The following MAMLD1 variants were observed in gnomAD, a reference collection of about 807,000 sequenced individuals.
The protein encoded by MAMLD1 is mastermind-like domain-containing protein 1.
A neutral mutation model predicts 45.0 loss-of-function variants in MAMLD1; 14 were observed. The ratio of observed to expected loss-of-function variants is 0.31; its 90% CI spans 0.21 to 0.49. The LOEUF is 0.49. Among genes scored for constraint, MAMLD1 ranks in the 20% least tolerant of loss-of-function variants. The probability of loss-of-function intolerance (pLI) is 0.99; values close to 1 mark genes in which losing one functional copy is unlikely to be tolerated. For synonymous variants in MAMLD1, 254 were observed against 247.8 expected (o/e 1.02, Z -0.24); for missense variants, 543 against 603.6 (o/e 0.90, Z 1.05).
intron 4 of MAMLD1, among the ~76,000 whole-genome samples, chrX:150,473,353 T>A (rs993778952): frequency 1.7e-4 from 19 of 112,422 alleles, no homozygotes; most frequent in Non-Finnish European, 3.8e-5. Flanking sequence ...GAGGAGATTA[T>A]AAAGTGCTTG....
chrX:150,454,363 A>T (rs781812966), intron 2 of MAMLD1, among the ~76,000 whole-genome samples: 1 of 112,348 alleles, frequency 8.9e-6, no homozygotes, highest in East Asian at 2.8e-4. Flanking sequence ...CTAAGTGTAC[A>T]GTATCTAACT....
intron 5 of MAMLD1, among the ~76,000 whole-genome samples, chrX:150,477,589 C>T (rs1213668958): frequency 3.6e-5 from 4 of 111,792 alleles, no homozygotes; most frequent in East Asian, 2.8e-4. Context: ...GAAGTAGAGC[C>T]GCCAAGCCAG....
chrX:150,460,165 C>T (rs1557405538), intron 2 of MAMLD1, among the ~76,000 whole-genome samples: 2 of 112,252 alleles, frequency 1.8e-5, no homozygotes, highest in African/African-American at 6.5e-5. Context: ...TGCCCACAGG[C>T]AAGGTTGCCA....
chrX:150,469,671 G>A, intron 3 of MAMLD1, 74 bp from the exon 4 acceptor site: 1 of 666,706 alleles, frequency 1.5e-6, no homozygotes, highest in Non-Finnish European at 2.4e-6. Context: ...GTGTGTGTGT[G>A]TGTGTGTGTG....
At chrX:150,462,983 G>A in intron 3 of MAMLD1, 137 bp downstream of exon 3, 2 of 538,631 alleles carry the variant, frequency 3.7e-6, no homozygotes, top group East Asian at 3.6e-5. Context: ...GAAGTGAGAA[G>A]GTTGGGCTTA....
chrX:150,398,367 GGAAGAGGAA>G (rs2033606726), intron 1 of MAMLD1, among the ~76,000 whole-genome samples: 1 of 93,848 alleles, frequency 1.1e-5, no homozygotes, highest in Non-Finnish European at 2.1e-5. Flanking sequence ...AAGAGGAAGA[GGAAGAGGAA>G]GAAGAAGAGG....
chrX:150,416,717 A>C (rs2034257967), intron 1 of MAMLD1, among the ~76,000 whole-genome samples: 1 of 112,503 alleles, frequency 8.9e-6, no homozygotes, highest in African/African-American at 3.2e-5. Flanking sequence ...GTTCCCTCCA[A>C]AGCTGGTGGT....
intron 6 of MAMLD1, among the ~76,000 whole-genome samples, chrX:150,508,456 T>G (rs1266730878): frequency 9.3e-6 from 1 of 107,431 alleles, no homozygotes; most frequent in Non-Finnish European, 1.9e-5. Flanking sequence ...ACACGGCAGC[T>G]CCAGTGGAGG....
At chrX:150,508,544 G>T (rs1441365066) in intron 6 of MAMLD1, among the ~76,000 whole-genome samples, 1 of 112,299 alleles carries the variant, frequency 8.9e-6, no homozygotes, top group African/African-American at 3.2e-5. Context: ...AATCGCTTCT[G>T]GTGTAGTCTT....
At chrX:150,384,872 C>T (rs1603225123) in intron 1 of MAMLD1, among the ~76,000 whole-genome samples, 1 of 111,475 alleles carries the variant, frequency 9.0e-6, no homozygotes, top group Non-Finnish European at 1.9e-5. Flanking sequence ...TTACCACAAT[C>T]AAATTAATTA....
At chrX:150,383,075 CT>C in intron 1 of MAMLD1, among the ~76,000 whole-genome samples, 1 of 56,863 alleles carries the variant, frequency 1.8e-5, no homozygotes, top group Non-Finnish European at 3.1e-5. Context: ...CGGCTAATTT[CT>C]TGTATTTTTA....
At chrX:150,503,020 G>A (rs1483652279) in intron 5 of MAMLD1, among the ~76,000 whole-genome samples, 1 of 112,148 alleles carries the variant, frequency 8.9e-6, no homozygotes, top group African/African-American at 3.2e-5. Flanking sequence ...AAATGTTGGT[G>A]GGCTGGAAAG....
intron 1 of MAMLD1, among the ~76,000 whole-genome samples, chrX:150,428,809 A>C (rs1257627844): frequency 9.0e-6 from 1 of 111,252 alleles, no homozygotes; most frequent in Non-Finnish European, 1.9e-5. Context: ...TACCTGATGA[A>C]GATTGTGGTG....
chrX:150,499,450 A>G (rs781977621), intron 5 of MAMLD1, among the ~76,000 whole-genome samples: 27 of 111,904 alleles, frequency 2.4e-4, no homozygotes, highest in Non-Finnish European at 4.5e-4. Flanking sequence ...AAAGCAGCTG[A>G]ATATCTATGG....
chrX:150,374,724 A>C (rs1267297658), intron 1 of MAMLD1, among the ~76,000 whole-genome samples: 2 of 111,538 alleles, frequency 1.8e-5, no homozygotes, highest in African/African-American at 6.5e-5. Context: ...GCAGTTCCAG[A>C]ATGGGTCAAG....
chrX:150,473,720 C>T lies in MAMLD1; in HGVS notation c.1958C>T (p.Ser653Leu), dbSNP rs782604980. ...TTTGCATGGACTTCTGCAGCTAGCT[C>T]GGTGAAGCCCCAGCATCAACACGGG... is the stretch of plus-strand genomic sequence containing the variant. Reference protein sequence around the residue: ...HLFAWTSAASSVKPQHQHGNS... With the variant: ...HLFAWTSAASLVKPQHQHGNS... Residue 653 changes from serine (S) to leucine (L), a missense_variant, in exon 5 of 8, where the codon TCG becomes TTG. By Grantham distance (145) the Ser-to-Leu change is moderately radical. Coordinates refer to ENST00000370401, the MANE Select transcript of MAMLD1 (RefSeq NM_005491.5). 3 of 1,207,889 alleles carry T rather than the reference C, an allele frequency of 2.5e-6. No individual in the cohort carries two copies. Among genetic ancestry groups the T allele is most frequent in the East Asian group, 3.0e-5 (1 of 33,822 alleles).
chrX:150,394,549 A>G (rs2033341555), intron 1 of MAMLD1, among the ~76,000 whole-genome samples: 1 of 111,264 alleles, frequency 9.0e-6, no homozygotes, highest in Non-Finnish European at 1.9e-5. Context: ...TGGCATCTTA[A>G]CAATATTGAG....
At chrX:150,404,166 C>T (rs959900056) in intron 1 of MAMLD1, among the ~76,000 whole-genome samples, 5 of 111,039 alleles carry the variant, frequency 4.5e-5, no homozygotes, top group Admixed American at 9.5e-5. Context: ...GGACATCTTA[C>T]TTCTGAATGG....
chrX:150,483,544 C>A (rs781939852), intron 5 of MAMLD1, among the ~76,000 whole-genome samples: 2 of 112,490 alleles, frequency 1.8e-5, no homozygotes, highest in Non-Finnish European at 3.8e-5. Context: ...GCTTGGAGGC[C>A]GATGAACCCA....
Sources: gnomAD v4.1 joint callset for allele counts (sites outside exome capture counted in the v4.1 genomes callset) on GRCh38, gnomAD v4.1.1 for gene constraint, MANE v1.5 for transcripts, NCBI Gene and HGNC (gene_info 2026-07-23, HGNC 2026-07-21) for gene names.